Variants in KCNIP3 observed in about 807,000 individuals in gnomAD.
The protein encoded by KCNIP3 is potassium voltage-gated channel interacting protein 3.
KCNIP3 carries 28 observed loss-of-function variants against 35.0 expected under a neutral mutation model. The ratio of observed to expected loss-of-function variants is 0.80; its 90% CI spans 0.59 to 1.10. KCNIP3 has a LOEUF of 1.10. KCNIP3 is among the 50% of genes least tolerant of loss of function. KCNIP3 has a pLI of 0.00. For synonymous variants in KCNIP3, 134 were observed against 133.8 expected (o/e 1.00, Z -0.01); for missense variants, 295 against 338.4 (o/e 0.87, Z 1.01).
chr2:95,318,797 G>A (rs1211314026), intron 2 of KCNIP3, among the ~76,000 whole-genome samples: 5 of 152,254 alleles, frequency 3.3e-5, no homozygotes, highest in Non-Finnish European at 7.3e-5. Flanking sequence ...CTGTGGGGAC[G>A]CGGAGGAGAG....
intron 5 of KCNIP3, among the ~76,000 whole-genome samples, chr2:95,375,516 T>C (rs1386796498): frequency 6.6e-6 from 1 of 151,718 alleles, no homozygotes; most frequent in African/African-American, 2.4e-5. Flanking sequence ...GAATTTGCAT[T>C]TTCAAAGGGA....
At chr2:95,345,950 C>A (rs978490108) in intron 2 of KCNIP3, among the ~76,000 whole-genome samples, 1 of 152,234 alleles carries the variant, frequency 6.6e-6, no homozygotes, top group Non-Finnish European at 1.5e-5. Flanking sequence ...GCGGGCGTCT[C>A]CCCCTCTCTG....
At chr2:95,329,756 C>T (rs1180147937) in intron 2 of KCNIP3, among the ~76,000 whole-genome samples, 1 of 152,228 alleles carries the variant, frequency 6.6e-6, no homozygotes, top group East Asian at 1.9e-4. Flanking sequence ...CCAATTAAGC[C>T]GAGTAAATAT....
At chr2:95,342,749 C>T (rs753191486) in intron 2 of KCNIP3, among the ~76,000 whole-genome samples, 7 of 152,218 alleles carry the variant, frequency 4.6e-5, no homozygotes, top group Admixed American at 6.5e-5. Context: ...TCATGGAGGA[C>T]TCTCACTATC....
chr2:95,336,611 AATTGTGAGTG>A (rs1237567730), intron 2 of KCNIP3, among the ~76,000 whole-genome samples: 1 of 152,132 alleles, frequency 6.6e-6, no homozygotes, highest in African/African-American at 2.4e-5. Context: ...GCATGCTGGA[AATTGTGAGTG>A]ATATGTTATA....
At chr2:95,319,485 T>G (rs1678535945) in intron 2 of KCNIP3, among the ~76,000 whole-genome samples, 1 of 152,172 alleles carries the variant, frequency 6.6e-6, no homozygotes, top group Non-Finnish European at 1.5e-5. Flanking sequence ...GAGACACTGG[T>G]GGGCCAGGCC....
At chr2:95,346,529 T>C (rs1267170511) in intron 2 of KCNIP3, among the ~76,000 whole-genome samples, 1 of 147,510 alleles carries the variant, frequency 6.8e-6, no homozygotes, top group African/African-American at 2.5e-5. Flanking sequence ...CCGCCGCGCC[T>C]AGGCCAATGA....
intron 2 of KCNIP3, among the ~76,000 whole-genome samples, chr2:95,369,752 T>A (rs1679998593): frequency 6.6e-6 from 1 of 152,130 alleles, no homozygotes; most frequent in African/African-American, 2.4e-5. Flanking sequence ...CACCTTAGCC[T>A]CCCAAGCAGC....
At chr2:95,364,812 A>G (rs538141251) in intron 2 of KCNIP3, among the ~76,000 whole-genome samples, 1 of 152,254 alleles carries the variant, frequency 6.6e-6, no homozygotes, top group East Asian at 1.9e-4. Flanking sequence ...ATCCTGCAGA[A>G]CCACAAGTGA....
At chr2:95,304,169 TC>T (rs1678116261) in intron 1 of KCNIP3, among the ~76,000 whole-genome samples, 2 of 152,360 alleles carry the variant, frequency 1.3e-5, no homozygotes, top group African/African-American at 4.8e-5. Flanking sequence ...AACATACACT[TC>T]CTGCCTTTAC....
At chr2:95,369,436 C>T (rs1679989923) in intron 2 of KCNIP3, among the ~76,000 whole-genome samples, 2 of 152,058 alleles carry the variant, frequency 1.3e-5, no homozygotes, top group South Asian at 2.1e-4. Flanking sequence ...TCTTTTTCAC[C>T]TGGGATGAAT....
intron 2 of KCNIP3, among the ~76,000 whole-genome samples, chr2:95,353,714 C>T (rs1679583740): frequency 6.6e-6 from 1 of 152,156 alleles, no homozygotes; most frequent in South Asian, 2.1e-4. Flanking sequence ...AGCCTGGGTG[C>T]TGTTGCGAGG....
In KCNIP3 at chr2:95,385,630, G is replaced by A. The variant is rs1205544442; in HGVS notation, c.*1581G>A. 2.0e-5 allele frequency: 3 copies of A among 152,990 alleles called. No homozygotes were observed. The highest frequency in any genetic ancestry group is 7.2e-5 in the African/African-American group (3 of 41,476). The allele number at this position is 152,990 out of a possible 1,614,324, so 9.5% of individuals were successfully genotyped here. A position where few individuals can be genotyped will look rare whatever the true frequency, so the allele number is the denominator to read the frequency against. ...CCCCAGGGTGAGCAGGGCCCTCAGA[G>A]GAAAGGCAGTATGGCGGAGGCCATG... On this transcript the variant is annotated 3_prime_UTR_variant, in exon 9 of 9. Transcript: ENST00000295225.
chr2:95,337,038 T>A (rs1238257817), intron 2 of KCNIP3, among the ~76,000 whole-genome samples: 3 of 152,090 alleles, frequency 2.0e-5, no homozygotes, highest in Non-Finnish European at 4.4e-5. Flanking sequence ...TTCGTGCAGA[T>A]TTTGGGGGCT....
Position 95,310,526 on chromosome 2 carries a change from G to C in KCNIP3, c.181+6G>C. On this transcript the variant is annotated splice_donor_region_variant and intron_variant, in intron 2 of 8. Transcript: ENST00000295225. ...CACAGCCCCACAGGGCTCAGGTAGGGGCCAGGGTGGGCTGTGGTCAAGGGT... is the reference window on the plus strand; with the variant it reads ...CACAGCCCCACAGGGCTCAGGTAGGCGCCAGGGTGGGCTGTGGTCAAGGGT... 6.2e-7 allele frequency: 1 copy of C among 1,613,426 alleles called. No homozygotes were observed. The highest frequency in any genetic ancestry group is 1.7e-4 in the Middle Eastern group (1 of 6,058).
At chr2:95,321,576 A>G (rs1279969589) in intron 2 of KCNIP3, among the ~76,000 whole-genome samples, 13 of 152,356 alleles carry the variant, frequency 8.5e-5, no homozygotes, top group African/African-American at 3.1e-4. Flanking sequence ...CATTCTGCAA[A>G]TAGACATTGA....
rs531817841 is a variant in KCNIP3 at position 95,349,035 on chromosome 2, TACTC to T, written c.182-25258_182-25255del. Among the ~76,000 whole-genome samples the T allele has an allele frequency of 5.0e-3, 762 of 152,210 alleles. 1 individual carries two copies. The highest frequency in any genetic ancestry group is 7.0e-3 in the Non-Finnish European group (477 of 67,996). On this transcript the variant is annotated intron_variant, in intron 2 of 8. Coordinates refer to ENST00000295225, the MANE Select transcript of KCNIP3 (RefSeq NM_013434.5). ...ATATTAGCAATGCGTATGTGAGTGG[TACTC>T]ACAATAACAGCACTGATTCATGGTT...
chr2:95,347,776 G>A (rs547103527), intron 2 of KCNIP3, among the ~76,000 whole-genome samples: 47 of 152,324 alleles, frequency 3.1e-4, no homozygotes, highest in Non-Finnish European at 5.4e-4. Context: ...TGTTCAAAGA[G>A]GCCCTGCACC....
intron 2 of KCNIP3, among the ~76,000 whole-genome samples, chr2:95,316,508 A>G (rs1678464894): frequency 6.6e-6 from 1 of 152,114 alleles, no homozygotes; most frequent in Non-Finnish European, 1.5e-5. Context: ...CAGCTGGGGG[A>G]CGTCAGTGTC....
Sources: allele counts gnomAD v4.1 joint callset (sites outside exome capture counted in the v4.1 genomes callset), GRCh38; gene constraint gnomAD v4.1.1; transcripts MANE v1.5; gene names NCBI Gene and HGNC (gene_info 2026-07-23, HGNC 2026-07-21).